Variants in CCNY observed in about 807,000 individuals in gnomAD.
CCNY encodes the protein cyclin Y, also known as cyclin-Y.
Under a neutral mutation model 42.8 loss-of-function variants are expected in CCNY, and 19 were observed. The ratio of observed to expected loss-of-function variants is 0.44; its 90% confidence interval spans 0.31 to 0.65. The LOEUF is 0.65. CCNY is among the 30% of genes least tolerant of loss of function. CCNY has a pLI of 0.07. For synonymous variants in CCNY, 165 were observed against 162.7 expected (o/e 1.01, Z -0.11); for missense variants, 370 against 437.3 (o/e 0.85, Z 1.37).
rs561171105 is a variant in CCNY at position 35,312,344 on chromosome 10, G to A, written c.-9+61718G>A. On this transcript the variant is annotated intron_variant, in intron 3 of 11. Transcript: ENST00000374706. Reference sequence around the variant, plus strand: ...TGCAGTGAGCCGAGATTGCGCCACTGCACTCCAGCCTGGGCAACAGAGTGA... The same window carrying A: ...TGCAGTGAGCCGAGATTGCGCCACTACACTCCAGCCTGGGCAACAGAGTGA... Among the ~76,000 whole-genome samples, 575 of 130,032 alleles carry A rather than the reference G, an allele frequency of 4.4e-3. 2 individuals carry two copies. Among genetic ancestry groups the A allele is most frequent in the African/African-American group, 0.016 (530 of 33,160 alleles). 85.3% of individuals were successfully genotyped at this position (130,032 alleles called of 152,430 possible). A position where few individuals can be genotyped will look rare whatever the true frequency, so the allele number is the denominator to read the frequency against.
intron 1 of CCNY, among the ~76,000 whole-genome samples, chr10:35,382,334 CAG>C (rs1382515321): frequency 2.6e-5 from 4 of 152,198 alleles, no homozygotes; most frequent in Non-Finnish European, 5.9e-5. Flanking sequence ...GTGTGTGCGA[CAG>C]AGGCAAGAGC....
At chr10:35,452,762 T>C (rs1198172866) in intron 1 of CCNY, among the ~76,000 whole-genome samples, 54 of 117,558 alleles carry the variant, frequency 4.6e-4, no homozygotes, top group Non-Finnish European at 6.9e-4. Flanking sequence ...TTGGAAATTA[T>C]AGAAAAGTAA....
At chr10:35,312,326 A>G (rs894136627) in intron 3 of CCNY, among the ~76,000 whole-genome samples, 3 of 137,616 alleles carry the variant, frequency 2.2e-5, no homozygotes, top group Non-Finnish European at 3.0e-5. Flanking sequence ...GCTTGCAGTG[A>G]GCCGAGATTG....
At chr10:35,254,856 G>GA (rs1326385177) in intron 3 of CCNY, among the ~76,000 whole-genome samples, 5 of 126,156 alleles carry the variant, frequency 4.0e-5, no homozygotes, top group Admixed American at 7.9e-5. Context: ...AAAAAGGAAA[G>GA]AAAAAAAGAA....
intron 1 of CCNY, among the ~76,000 whole-genome samples, chr10:35,424,382 A>G (rs1838222292): frequency 6.6e-6 from 1 of 152,074 alleles, no homozygotes; most frequent in Admixed American, 6.5e-5. Flanking sequence ...ATGCGCCACC[A>G]CACCTGGCTA....
At chr10:35,387,117 T>C (rs1208471841) in intron 1 of CCNY, among the ~76,000 whole-genome samples, 1 of 152,190 alleles carries the variant, frequency 6.6e-6, no homozygotes, top group African/African-American at 2.4e-5. Flanking sequence ...TTCTGAACTT[T>C]TATGGGAGAG....
intron 1 of CCNY, among the ~76,000 whole-genome samples, chr10:35,409,142 G>A (rs1483207148): frequency 3.3e-5 from 5 of 152,046 alleles, no homozygotes; most frequent in Admixed American, 3.3e-4. Context: ...ACCAGGAGTT[G>A]TCAAGCTCCT....
At chr10:35,409,710 A>G (rs1016823111) in intron 1 of CCNY, among the ~76,000 whole-genome samples, 1 of 152,188 alleles carries the variant, frequency 6.6e-6, no homozygotes, top group African/African-American at 2.4e-5. Context: ...ATAAGTAAAA[A>G]TGTAAAGATT....
At chr10:35,338,387 C>G (rs928332452) in intron 1 of CCNY, among the ~76,000 whole-genome samples, 2 of 152,206 alleles carry the variant, frequency 1.3e-5, no homozygotes, top group Non-Finnish European at 2.9e-5. Flanking sequence ...AACACAACGT[C>G]TGGTTTCTAG....
At chr10:35,377,697 T>C (rs1837084490) in intron 1 of CCNY, among the ~76,000 whole-genome samples, 1 of 152,244 alleles carries the variant, frequency 6.6e-6, no homozygotes, top group Non-Finnish European at 1.5e-5. Context: ...AGATATCATA[T>C]TAGAAATTAA....
At chr10:35,342,243 A>G (rs768237854) in intron 1 of CCNY, among the ~76,000 whole-genome samples, 9 of 152,200 alleles carry the variant, frequency 5.9e-5, no homozygotes, top group Non-Finnish European at 7.3e-5. Context: ...TTGAGTCTCT[A>G]CAATCTATTT....
At chr10:35,465,938 A>AGAGAGAGAGTGTGTGTGTGTGT in intron 1 of CCNY, among the ~76,000 whole-genome samples, 1 of 80,960 alleles carries the variant, frequency 1.2e-5, no homozygotes, top group African/African-American at 4.4e-5. Flanking sequence ...AGAGAGAGAG[A>AGAGAGAGAGTGTGTGTGTGTGT]GTGTGTGTGT....
chr10:35,306,680 C>T (rs180693728), intron 3 of CCNY, among the ~76,000 whole-genome samples: 93 of 152,292 alleles, frequency 6.1e-4, no homozygotes, highest in Non-Finnish European at 1.2e-3. Flanking sequence ...ATGCCCTCTC[C>T]CCTTCTCCCA....
intron 8 of CCNY, among the ~76,000 whole-genome samples, chr10:35,564,989 C>T (rs1473442707): frequency 6.6e-6 from 1 of 151,124 alleles, no homozygotes; most frequent in African/African-American, 2.5e-5. Flanking sequence ...GGTGGGCACC[C>T]TGTGGGTGGG....
At chr10:35,497,276 A>G (rs1407531919) in intron 2 of CCNY, among the ~76,000 whole-genome samples, 2 of 152,264 alleles carry the variant, frequency 1.3e-5, no homozygotes, top group African/African-American at 2.4e-5. Context: ...AAAACCACCT[A>G]TTAGAAATGA....
intron 1 of CCNY, among the ~76,000 whole-genome samples, chr10:35,359,909 G>C (rs1334800883): frequency 6.6e-6 from 1 of 152,164 alleles, no homozygotes; most frequent in South Asian, 2.1e-4. Flanking sequence ...ATGTCCTCAA[G>C]GTTTATCCAT....
intron 1 of CCNY, among the ~76,000 whole-genome samples, chr10:35,380,838 G>C (rs1199050270): frequency 6.6e-6 from 1 of 152,142 alleles, no homozygotes; most frequent in East Asian, 1.9e-4. Context: ...CTGAGGTCAG[G>C]CTAGAAGTGG....
At chr10:35,568,959 C>T in intron 9 of CCNY, 95 bp from the exon 10 acceptor site, 3 of 787,640 alleles carry the variant, frequency 3.8e-6, no homozygotes, top group Non-Finnish European at 6.6e-6. Flanking sequence ...GGGGCTCTGC[C>T]TGTCCCTCAT....
At chr10:35,393,924 A>G (rs552110549) in intron 1 of CCNY, among the ~76,000 whole-genome samples, 14 of 152,250 alleles carry the variant, frequency 9.2e-5, no homozygotes, top group Admixed American at 2.6e-4. Flanking sequence ...AAAAGTTTAC[A>G]AATCTAGGCT....
Sources: allele counts gnomAD v4.1 joint callset (sites outside exome capture counted in the v4.1 genomes callset), GRCh38; gene constraint gnomAD v4.1.1; transcripts MANE v1.5; gene names NCBI Gene and HGNC (gene_info 2026-07-23, HGNC 2026-07-21).